Variants in KLHL8 observed in about 807,000 individuals in gnomAD.
The protein encoded by KLHL8 is kelch like family member 8.
KLHL8 carries 38 observed loss-of-function variants against 63.5 expected under a neutral mutation model. The observed-to-expected ratio is 0.60, with a 90% CI of 0.46 to 0.78. KLHL8 has a LOEUF of 0.78. Among genes scored for constraint, KLHL8 ranks in the 30% least tolerant of loss-of-function variants. The pLI, the probability that KLHL8 is intolerant of heterozygous loss-of-function variation, is 0.00. For missense variants in KLHL8, 566 were observed against 752.4 expected (o/e 0.75, Z 2.90); for synonymous variants, 224 against 254.3 (o/e 0.88, Z 1.13).
rs551686961 is a variant in KLHL8 at position 87,162,914 on chromosome 4, T to C, written c.*605A>G. On this transcript the variant is annotated 3_prime_UTR_variant, in exon 10 of 10. Transcript: ENST00000273963. Reference sequence around the variant, plus strand: ...TCAAACTGAAATTAAAGGCTTCTTATAGCCTATAAGCTTCTGAAAATGCAG... The same window carrying C: ...TCAAACTGAAATTAAAGGCTTCTTACAGCCTATAAGCTTCTGAAAATGCAG... The C allele has an allele frequency of 6.6e-5, 10 of 152,300 alleles. No individual in the cohort carries two copies. Among genetic ancestry groups the C allele is most frequent in the African/African-American group, 1.9e-4 (8 of 41,552 alleles). 9.4% of individuals were successfully genotyped at this position (152,300 alleles called of 1,614,324 possible).
chr4:87,187,404 TC>T (rs200933749), intron 2 of KLHL8, among the ~76,000 whole-genome samples: 3,018 of 146,012 alleles, frequency 0.021, 79 homozygotes, highest in African/African-American at 0.058. Context: ...TCTTTTTTTT[TC>T]TTTTTTGCTC....
At chr4:87,229,364 C>T (rs965531092) in intron 1 of KLHL8, among the ~76,000 whole-genome samples, 8 of 151,822 alleles carry the variant, frequency 5.3e-5, no homozygotes, top group Non-Finnish European at 8.8e-5. Flanking sequence ...CACATCAGCC[C>T]GAATTTTTGA....
chr4:87,201,261 T>C (rs1018070013), intron 1 of KLHL8, among the ~76,000 whole-genome samples: 11 of 152,210 alleles, frequency 7.2e-5, no homozygotes, highest in Non-Finnish European at 1.3e-4. Context: ...GTAAATTTTA[T>C]GTTGTGTTTT....
At chr4:87,180,630 G>C (rs1251676341) in intron 4 of KLHL8, among the ~76,000 whole-genome samples, 1 of 152,186 alleles carries the variant, frequency 6.6e-6, no homozygotes, top group African/African-American at 2.4e-5. Context: ...TTAACCCAGA[G>C]CCTTTCACAT....
chr4:87,239,853 A>G (rs1733297751), intron 1 of KLHL8, among the ~76,000 whole-genome samples: 1 of 152,206 alleles, frequency 6.6e-6, no homozygotes, highest in Admixed American at 6.5e-5. Context: ...CATCAGGTCC[A>G]GTGCTACTTC....
At chr4:87,234,660 A>C (rs1277945416) in intron 1 of KLHL8, among the ~76,000 whole-genome samples, 1 of 152,182 alleles carries the variant, frequency 6.6e-6, no homozygotes, top group Non-Finnish European at 1.5e-5. Flanking sequence ...TGGTTTATTT[A>C]CTATACTTTT....
chr4:87,167,360 C>A, intron 8 of KLHL8: 1 of 439,664 alleles, frequency 2.3e-6, no homozygotes. Flanking sequence ...AAAGAGCCAT[C>A]TACAGATATG....
At chr4:87,173,883 T>A (rs1730721575) in intron 6 of KLHL8, among the ~76,000 whole-genome samples, 1 of 129,052 alleles carries the variant, frequency 7.7e-6, no homozygotes, top group Non-Finnish European at 1.6e-5. Context: ...CAGTGGGAGA[T>A]AACAGTTTAA....
intron 2 of KLHL8, among the ~76,000 whole-genome samples, chr4:87,192,866 T>C (rs1731546281): frequency 6.6e-6 from 1 of 152,142 alleles, no homozygotes; most frequent in African/African-American, 2.4e-5. Context: ...TCTAAACATA[T>C]AAACATAGGA....
At chr4:87,177,332 C>A (rs998021538) in intron 5 of KLHL8, among the ~76,000 whole-genome samples, 5 of 151,886 alleles carry the variant, frequency 3.3e-5, no homozygotes, top group Admixed American at 6.6e-5. Flanking sequence ...ATGGTGAAAG[C>A]CCATCTCTAC....
At chr4:87,229,382 C>T (rs1733094272) in intron 1 of KLHL8, among the ~76,000 whole-genome samples, 1 of 151,916 alleles carries the variant, frequency 6.6e-6, no homozygotes. Context: ...TGAAACCTCC[C>T]TCAGAACATG....
chr4:87,233,223 A>G (rs149105437), intron 1 of KLHL8, among the ~76,000 whole-genome samples: 16,729 of 151,916 alleles, frequency 0.11, 1,653 homozygotes, highest in African/African-American at 0.26. Flanking sequence ...TTGTATTTTT[A>G]GTAGAGACAG....
chr4:87,192,621 G>C (rs1247470393), intron 2 of KLHL8, among the ~76,000 whole-genome samples: 2 of 152,162 alleles, frequency 1.3e-5, no homozygotes, highest in African/African-American at 4.8e-5. Flanking sequence ...GTAGTAAGCA[G>C]TTCTAATACA....
intron 2 of KLHL8, among the ~76,000 whole-genome samples, chr4:87,193,237 T>G (rs1731562122): frequency 6.6e-6 from 1 of 152,194 alleles, no homozygotes; most frequent in Non-Finnish European, 1.5e-5. Context: ...TCCAAAAACT[T>G]TTTTCTACTT....
At chr4:87,234,566 CCTA>C (rs1330100910) in intron 1 of KLHL8, among the ~76,000 whole-genome samples, 1 of 152,124 alleles carries the variant, frequency 6.6e-6, no homozygotes, top group African/African-American at 2.4e-5. Flanking sequence ...TGTAAACAAA[CCTA>C]CTGTGTTGCC....
At chr4:87,217,834 T>C (rs760712678) in intron 1 of KLHL8, among the ~76,000 whole-genome samples, 6 of 152,102 alleles carry the variant, frequency 3.9e-5, no homozygotes, top group Non-Finnish European at 8.8e-5. Flanking sequence ...GGAATTCCAA[T>C]ATAAGTAACC....
At chr4:87,199,983 A>G (rs1731847972) in intron 1 of KLHL8, among the ~76,000 whole-genome samples, 1 of 151,592 alleles carries the variant, frequency 6.6e-6, no homozygotes, top group Non-Finnish European at 1.5e-5. Context: ...TCTACAAAAA[A>G]TACAAAAATT....
intron 1 of KLHL8, among the ~76,000 whole-genome samples, chr4:87,215,565 G>A (rs528522805): frequency 1.3e-5 from 2 of 152,288 alleles, no homozygotes; most frequent in Admixed American, 6.5e-5. Context: ...AGCATCACTT[G>A]ATCCACCTCA....
At chr4:87,170,662 GA>G (rs760712758) in intron 6 of KLHL8, 47 bp from the exon 7 acceptor site, 12 of 1,528,394 alleles carry the variant, frequency 7.9e-6, no homozygotes, top group Middle Eastern at 1.7e-4. Context: ...TTGTTTCCAG[GA>G]AAAAAAGTCA....
Sources: gnomAD v4.1 joint callset for allele counts (sites outside exome capture counted in the v4.1 genomes callset) on GRCh38, gnomAD v4.1.1 for gene constraint, MANE v1.5 for transcripts, NCBI Gene and HGNC (gene_info 2026-07-23, HGNC 2026-07-21) for gene names.